The following ARPC1B variants were observed in gnomAD, a reference collection of about 807,000 sequenced individuals.
ARPC1B encodes the protein actin-related protein 2/3 complex subunit 1B.
ARPC1B carries 29 observed loss-of-function variants against 46.0 expected under a neutral mutation model. That is an observed-to-expected ratio of 0.63 (90% CI 0.47 to 0.86). The LOEUF (loss-of-function observed/expected upper bound fraction) is 0.86. ARPC1B is among the 40% of genes least tolerant of loss of function. The probability of loss-of-function intolerance (pLI) is 0.00; values close to 1 mark genes in which losing one functional copy is unlikely to be tolerated. For missense variants in ARPC1B, 469 were observed against 529.4 expected (o/e 0.89, Z 1.12); for synonymous variants, 201 against 213.9 (o/e 0.94, Z 0.53).
intron 7 of ARPC1B, 142 bp downstream of exon 7, chr7:99,391,395 G>C: frequency 1.1e-6 from 1 of 908,958 alleles, no homozygotes; most frequent in East Asian, 2.7e-5. Context: ...GAATTGGGCA[G>C]AACAGGTTGG....
chr7:99,384,223 G>A (rs1012777594), intron 1 of ARPC1B: 3 of 152,610 alleles, frequency 2.0e-5, no homozygotes, highest in African/African-American at 7.2e-5. Flanking sequence ...CTGACGGGAG[G>A]ATGAGTCGCT....
chr7:99,394,499 A>AAT lies in ARPC1B; in HGVS notation c.*13_*14dup. On this transcript the variant is annotated 3_prime_UTR_variant, in exon 10 of 10. Coordinates refer to ENST00000646101, the MANE Select transcript of ARPC1B (RefSeq NM_005720.4). ...CCTCAAGATCAAATGACCTGTGAGG[A>AAT]ATATGTTGCCTTCATCCTAGCTGCT... 1 of 1,613,960 alleles carries AAT rather than the reference A, an allele frequency of 6.2e-7. No individual in the cohort carries two copies. Among genetic ancestry groups the AAT allele is most frequent in the Non-Finnish European group, 8.5e-7 (1 of 1,179,998 alleles).
chr7:99,376,811 G>A (rs557970287), intron 1 of ARPC1B, among the ~76,000 whole-genome samples: 3 of 151,398 alleles, frequency 2.0e-5, no homozygotes, highest in Admixed American at 6.6e-5. Context: ...CGGAGGTTGC[G>A]GTGAGCCAAG....
intron 1 of ARPC1B, among the ~76,000 whole-genome samples, chr7:99,378,768 CTTTTTCT>C (rs1286464666): frequency 1.7e-4 from 20 of 120,890 alleles, no homozygotes; most frequent in Non-Finnish European, 2.8e-4. Context: ...TGTTAATTTT[CTTTTTCT>C]TTTTTTTTTT....
At chr7:99,376,758 T>C (rs1466275621) in intron 1 of ARPC1B, among the ~76,000 whole-genome samples, 3 of 151,496 alleles carry the variant, frequency 2.0e-5, no homozygotes, top group African/African-American at 7.3e-5. Flanking sequence ...TAATCCCAGC[T>C]ACTCAGGAGG....
intron 4 of ARPC1B, chr7:99,389,696 G>A (rs1038930367): frequency 8.9e-6 from 5 of 563,982 alleles, no homozygotes; most frequent in African/African-American, 7.6e-5. Flanking sequence ...AGGATAGAGG[G>A]CACAGAGTTC....
intron 1 of ARPC1B, among the ~76,000 whole-genome samples, chr7:99,384,368 C>G (rs1250127656): frequency 6.6e-6 from 1 of 152,204 alleles, no homozygotes; most frequent in Non-Finnish European, 1.5e-5. Context: ...GGGAAGATCT[C>G]TTGAGCCTAG....
chr7:99,391,184 G>C lies in ARPC1B; in HGVS notation c.714G>C (p.Ala238=). ...LADADKKMAV[A]TLASETLPLL... is the part of the protein sequence containing the mutation. ...CACAGCTCTCTCCCCTCAGCGTCGC[G>C]ACTCTGGCCTCTGAAACACTACCAC... Residue 238 remains alanine (A), a synonymous_variant, in exon 7 of 10, where the codon GCG becomes GCC. Coordinates refer to ENST00000646101, the MANE Select transcript of ARPC1B (RefSeq NM_005720.4). The C allele has an allele frequency of 6.2e-7, 1 of 1,613,954 alleles. No individual in the cohort carries two copies. The highest frequency in any genetic ancestry group is 1.6e-4 in the Middle Eastern group (1 of 6,062).
At chr7:99,383,332 TAC>T (rs199794463) in intron 1 of ARPC1B, among the ~76,000 whole-genome samples, 3 of 151,686 alleles carry the variant, frequency 2.0e-5, no homozygotes, top group Admixed American at 6.6e-5. Context: ...TTCTCAAATA[TAC>T]ACACACACAC....
chr7:99,390,703 T>C (rs188025229), intron 5 of ARPC1B, among the ~76,000 whole-genome samples, 190 bp from the exon 6 acceptor site: 1 of 134,570 alleles, frequency 7.4e-6, no homozygotes, highest in Non-Finnish European at 1.7e-5. Context: ...TTAAAAAAAA[T>C]TTTTTTTTTT....
At chr7:99,381,244 G>T (rs866214401) in intron 1 of ARPC1B, among the ~76,000 whole-genome samples, 1 of 152,182 alleles carries the variant, frequency 6.6e-6, no homozygotes, top group Admixed American at 6.5e-5. Flanking sequence ...CTGCCCACAC[G>T]TGCAAAGTGT....
chr7:99,377,635 T>TTC lies in ARPC1B; in HGVS notation c.-14+2855_-14+2856insCT, dbSNP rs1371317166. On this transcript the variant is annotated intron_variant, in intron 1 of 9. Transcript: ENST00000646101. ...GCTTCTTCTTCTTCTTCTTCTTCTTTTTTTTTTTTATTTGGAGGTGGCGGA... is the reference window on the plus strand; with the variant it reads ...GCTTCTTCTTCTTCTTCTTCTTCTTTTCTTTTTTTTTATTTGGAGGTGGCGGA... Among the ~76,000 whole-genome samples the TTC allele has an allele frequency of 8.2e-3, 1,236 of 149,924 alleles. 22 individuals are homozygous for TTC. Among genetic ancestry groups the TTC allele is most frequent in the African/African-American group, 0.023 (934 of 40,618 alleles).
intron 3 of ARPC1B, 79 bp downstream of exon 3, chr7:99,386,868 C>T (rs1257156203): frequency 1.9e-6 from 2 of 1,068,782 alleles, no homozygotes; most frequent in Non-Finnish European, 2.8e-6. Context: ...GGCATGGCCA[C>T]TCATTGTGGA....
rs530889246 is a variant in ARPC1B, at chr7:99,386,241, ACT to A, written c.65-441_65-440del. 3.9e-4 allele frequency: 141 copies of A among 359,446 alleles called. No homozygotes were observed. The East Asian group carries it at 9.1e-3, about 23-fold the overall frequency. The allele number at this position is 359,446 out of a possible 1,614,324, so 22.3% of individuals were successfully genotyped here. A position where few individuals can be genotyped will look rare whatever the true frequency, so the allele number is the denominator to read the frequency against. ...ACTCCAGCCTGGGCAACAAAGCGAG[ACT>A]CTGTCTCAAAAAAAAAAAAAGAGAG... On this transcript the variant is annotated intron_variant, in intron 2 of 9. Transcript: ENST00000646101.
chr7:99,385,978 C>T (rs954293600), intron 2 of ARPC1B, among the ~76,000 whole-genome samples, 200 bp downstream of exon 2: 10 of 152,104 alleles, frequency 6.6e-5, no homozygotes, highest in African/African-American at 4.8e-5. Flanking sequence ...GGGCCAGTTG[C>T]GGTAGCTCAT....
Position 99,388,082 on chromosome 7 carries a change from C to T in ARPC1B, c.213C>T (p.Gly71=). The T allele has an allele frequency of 1.2e-6, 2 of 1,613,612 alleles. No homozygotes were observed. The highest frequency in any genetic ancestry group is 1.7e-5 in the Admixed American group (1 of 60,020). The part of the protein sequence containing the change: ...APESNRIVTC[G]TDRNAYVWTL... ...AGAGTAACCGTATTGTGACCTGCGG[C>T]ACAGACCGCAACGCCTACGTGTGGA... The change falls in exon 4 of 10, where the codon GGC becomes GGT. Residue 71 remains glycine (G), a synonymous_variant. Coordinates refer to ENST00000646101, the MANE Select transcript of ARPC1B (RefSeq NM_005720.4).
intron 1 of ARPC1B, among the ~76,000 whole-genome samples, chr7:99,384,945 A>C (rs1254959224): frequency 1.9e-5 from 2 of 104,180 alleles, no homozygotes; most frequent in Non-Finnish European, 1.9e-5. Context: ...GTGCCACCAC[A>C]CCTGGCTAAT....
intron 1 of ARPC1B, among the ~76,000 whole-genome samples, chr7:99,376,803 G>A (rs1363382675): frequency 2.6e-5 from 4 of 151,574 alleles, no homozygotes; most frequent in Admixed American, 6.6e-5. Context: ...CTGGGAGGCG[G>A]AGGTTGCGGT....
chr7:99,388,116 G>A lies in ARPC1B; in HGVS notation c.247G>A (p.Gly83Ser). 6.2e-7 allele frequency: 1 copy of A among 1,614,146 alleles called. No individual in the cohort carries two copies. Residue 83 changes from glycine to serine, a missense_variant, in exon 4 of 10, where the codon GGC (glycine) becomes AGC (serine). By Grantham distance (56) the Gly-to-Ser change is moderately conservative. Transcript: ENST00000646101. ...CAACGCCTACGTGTGGACGCTGAAGGGCCGCACATGGAAGCCCACGCTGGT... is the reference window on the plus strand; with the variant it reads ...CAACGCCTACGTGTGGACGCTGAAGAGCCGCACATGGAAGCCCACGCTGGT... Reference protein sequence around the residue: ...DRNAYVWTLKGRTWKPTLVIL... With the variant: ...DRNAYVWTLKSRTWKPTLVIL...
Sources: allele counts gnomAD v4.1 joint callset (sites outside exome capture counted in the v4.1 genomes callset), GRCh38; gene constraint gnomAD v4.1.1; transcripts MANE v1.5; gene names NCBI Gene and HGNC (gene_info 2026-07-23, HGNC 2026-07-21).